Variants in ASIC3 observed in about 807,000 individuals in gnomAD.
ASIC3 encodes the protein acid-sensing ion channel 3.
In ASIC3, 46 loss-of-function variants were observed where a neutral mutation model predicts 58.6. The ratio of observed to expected loss-of-function variants is 0.79; its 90% CI spans 0.62 to 1.00. The LOEUF is 1.00. Ranked by LOEUF, ASIC3 falls within the 50% of genes least tolerant of loss-of-function variation. ASIC3 has a pLI of 0.00. For missense variants in ASIC3, 770 were observed against 735.0 expected, an observed-to-expected ratio of 1.05 and a Z score of -0.55; for synonymous variants, 336 against 300.2, an observed-to-expected ratio of 1.12 and a Z score of -1.23.
Position 151,049,236 on chromosome 7 carries a change from G to A in ASIC3, c.351G>A (p.Leu117=). The A allele has an allele frequency of 6.2e-7, 1 of 1,611,828 alleles. No individual in the cohort carries two copies. The change falls in exon 1 of 11, where the codon CTG becomes CTA. Residue 117 remains leucine (L), a synonymous_variant. Transcript: ENST00000349064. The part of the protein sequence containing the change: ...LHWAGSALLG[L]DPAEHAAFLR... ...GGGCTGGGTCTGCGCTGCTGGGCCT[G>A]GATCCCGCAGAGCACGCCGCCTTCC...
chr7:151,049,986 A>T, intron 1 of ASIC3, 120 bp from the exon 2 acceptor site: 1 of 1,343,800 alleles, frequency 7.4e-7, no homozygotes, highest in Non-Finnish European at 1.0e-6. Flanking sequence ...GGCTGGGGGC[A>T]TTGAGATGCG....
Position 151,049,009 on chromosome 7 carries a change from C to G in ASIC3, c.124C>G (p.Arg42Gly). 3.7e-6 allele frequency: 6 copies of G among 1,612,352 alleles called. No homozygotes were observed. Among genetic ancestry groups the G allele is most frequent in the Non-Finnish European group, 4.2e-6 (5 of 1,178,848 alleles). ...CGGGCCAGGCAGCCTGAGCCTGCGC[C>G]GGGGGATGTGGGCAGCGGCCGTGGT... ...VFGPGSLSLR[R>G]GMWAAAVVLS... Residue 42 changes from arginine to glycine, a missense_variant, in exon 1 of 11, where the codon CGG (arginine) becomes GGG (glycine). Coordinates refer to ENST00000349064, the MANE Select transcript of ASIC3 (RefSeq NM_004769.4).
In ASIC3 at chr7:151,050,973, G is replaced by C. The variant is rs1261421635; in HGVS notation, c.1009+20G>C. ...TGCCAGGTGAGGGGCTGGGGTTTTCGTCCCATGGCGGGCAGGGCCCAGGGA... is the reference window on the plus strand; with the variant it reads ...TGCCAGGTGAGGGGCTGGGGTTTTCCTCCCATGGCGGGCAGGGCCCAGGGA... On this transcript the variant is annotated intron_variant, in intron 4 of 10. Transcript: ENST00000349064. 7 of 1,613,240 alleles carry C rather than the reference G, an allele frequency of 4.3e-6. No individual in the cohort carries two copies. The Admixed American group carries it at 8.3e-5, about 19-fold the overall frequency.
In ASIC3 at chr7:151,050,773, C is replaced by A. The variant is rs1164930267; in HGVS notation, c.829C>A (p.Pro277Thr). Reference sequence around the variant, plus strand: ...CCCCCCACAGCTGAGCTTCCTGCCACCGCCCTGGGGCGATTGCAGTTCAGC... The same window carrying A: ...CCCCCCACAGCTGAGCTTCCTGCCAACGCCCTGGGGCGATTGCAGTTCAGC... ...CQQQQLSFLP[P>T]PWGDCSSASL... The change falls in exon 4 of 11, where the codon CCG (proline) becomes ACG (threonine). Residue 277 changes from proline (P) to threonine (T), a missense_variant. Coordinates refer to ENST00000349064, the MANE Select transcript of ASIC3 (RefSeq NM_004769.4). 6.2e-7 allele frequency: 1 copy of A among 1,613,474 alleles called. No homozygotes were observed. Among genetic ancestry groups the A allele is most frequent in the African/African-American group, 1.3e-5 (1 of 74,896 alleles).
At position 151,050,882 on chromosome 7, in the gene ASIC3, T is replaced by TG. The variant is rs760573829; in HGVS notation, c.942dup (p.Cys315ValfsTer102). The stretch of plus-strand genomic sequence containing the variant: ...AGCCCCAGCCCTCCCTATACCCTTA[T>TG]GGGGTGTCGCCTGGCCTGCGAAACC... On this transcript the variant is annotated frameshift_variant, in exon 4 of 11. Transcript: ENST00000349064. LOFTEE classifies it high-confidence loss of function. 6.2e-7 allele frequency: 1 copy of TG among 1,613,350 alleles called. No individual in the cohort carries two copies. Among genetic ancestry groups the TG allele is most frequent in the East Asian group, 2.2e-5 (1 of 44,862 alleles).
Position 151,048,728 on chromosome 7 carries a change from A to T in ASIC3, c.-158A>T. The T allele has an allele frequency of 3.5e-6, 3 of 853,806 alleles. No homozygotes were observed. The highest frequency in any genetic ancestry group is 5.5e-6 in the Non-Finnish European group (3 of 549,154). 52.9% of individuals were successfully genotyped at this position (853,806 alleles called of 1,614,324 possible). ...TCACCTCCTCCAATCCTGCCAGGCTAGTGCCTCCCTGCCTTCCAACCTTGG... is the reference window on the plus strand; with the variant it reads ...TCACCTCCTCCAATCCTGCCAGGCTTGTGCCTCCCTGCCTTCCAACCTTGG... On this transcript the variant is annotated 5_prime_UTR_variant, in exon 1 of 11. Transcript: ENST00000349064.
Position 151,050,522 on chromosome 7 carries a change from A to G in ASIC3, c.727A>G (p.Ser243Gly), listed in dbSNP as rs1287496121. 1.2e-6 allele frequency: 2 copies of G among 1,613,912 alleles called. No individual in the cohort carries two copies. The highest frequency in any genetic ancestry group is 1.7e-6 in the Non-Finnish European group (2 of 1,179,966). The change falls in exon 3 of 11, where the codon AGC becomes GGC. Residue 243 changes from serine (S) to glycine (G), a missense_variant. Coordinates refer to ENST00000349064, the MANE Select transcript of ASIC3 (RefSeq NM_004769.4). ...FEVGIRVQIHSQEEPPIIDQL... is the reference protein window; with the variant it reads ...FEVGIRVQIHGQEEPPIIDQL... ...GGTGGGGATCCGAGTGCAGATCCAC[A>G]GCCAGGAGGAGCCGCCCATCATCGA...
Position 151,048,674 on chromosome 7 carries a change from G to T in ASIC3, c.-212G>T. ...AGTGGAGCCACCGCCTGTTCCTCGG[G>T]AAGGAACAGTGGGACCTGACCGGCC... On this transcript the variant is annotated 5_prime_UTR_variant, in exon 1 of 11. Coordinates refer to ENST00000349064, the MANE Select transcript of ASIC3 (RefSeq NM_004769.4). The T allele has an allele frequency of 8.6e-6, 5 of 581,614 alleles. No individual in the cohort carries two copies. The highest frequency in any genetic ancestry group is 1.5e-5 in the Non-Finnish European group (5 of 337,136). The allele number at this position is 581,614 out of a possible 1,614,324, so 36.0% of individuals were successfully genotyped here.
In ASIC3 at chr7:151,050,566, G is replaced by T; in HGVS notation, c.771G>T (p.Val257=). Residue 257 remains valine, a synonymous_variant, in exon 3 of 11, where the codon GTG becomes GTT. Coordinates refer to ENST00000349064, the MANE Select transcript of ASIC3 (RefSeq NM_004769.4). The part of the protein sequence containing the change: ...PPIIDQLGLG[V]SPGYQTFVSC... ...TCATCGATCAGCTGGGCTTGGGGGT[G>T]TCCCCGGGCTACCAGACCTTTGTTT... 3.1e-6 allele frequency: 5 copies of T among 1,614,028 alleles called. No homozygotes were observed. The highest frequency in any genetic ancestry group is 4.2e-6 in the Non-Finnish European group (5 of 1,179,960).
intron 7 of ASIC3, 30 bp from the exon 8 acceptor site, chr7:151,051,953 G>C (rs773242481): frequency 2.5e-6 from 4 of 1,613,338 alleles, no homozygotes; most frequent in Non-Finnish European, 3.4e-6. Flanking sequence ...GCAGGTGGCT[G>C]TAAGTTGAAG....
At chr7:151,049,488 A>G in intron 1 of ASIC3, 69 bp downstream of exon 1, 1 of 1,503,010 alleles carries the variant, frequency 6.7e-7, no homozygotes, top group East Asian at 2.3e-5. Flanking sequence ...CAGCACCCAC[A>G]ATTCCCTAGC....
In ASIC3 at chr7:151,050,546, G is replaced by C. The variant is rs377738600; in HGVS notation, c.751G>C (p.Asp251His). 9.3e-6 allele frequency: 15 copies of C among 1,613,888 alleles called. No homozygotes were observed. The highest frequency in any genetic ancestry group is 1.2e-5 in the Non-Finnish European group (14 of 1,179,960). The change falls in exon 3 of 11, where the codon GAT becomes CAT. Residue 251 changes from aspartate (D) to histidine (H), a missense_variant. Transcript: ENST00000349064. ...CAGCCAGGAGGAGCCGCCCATCATC[G>C]ATCAGCTGGGCTTGGGGGTGTCCCC... ...IHSQEEPPII[D>H]QLGLGVSPGY...
intron 3 of ASIC3, 49 bp from the exon 4 acceptor site, chr7:151,050,709 T>C (rs1205301927): frequency 6.2e-7 from 1 of 1,606,528 alleles, no homozygotes; most frequent in Non-Finnish European, 8.5e-7. Flanking sequence ...TCTCCCCAGC[T>C]GGCCTCTCAC....
intron 3 of ASIC3, 53 bp downstream of exon 3, chr7:151,050,661 AC>A (rs1240192523): frequency 6.2e-7 from 1 of 1,609,690 alleles, no homozygotes; most frequent in Non-Finnish European, 8.5e-7. Context: ...ACCACCTCAG[AC>A]CCTAAACCCT....
At position 151,051,820 on chromosome 7, in the gene ASIC3, C is replaced by T; in HGVS notation, c.1225C>T (p.Leu409=). 1 of 1,613,538 alleles carries T rather than the reference C, an allele frequency of 6.2e-7. No homozygotes were observed. The highest frequency in any genetic ancestry group is 8.5e-7 in the Non-Finnish European group (1 of 1,179,970). Residue 409 remains leucine, a synonymous_variant, in exon 7 of 11, where the codon CTG becomes TTG. Transcript: ENST00000349064. ...CATTCTTGTCCTCAGGGAGAACGTG[C>T]TGGCCCTGGACATCTTCTTTGAGGC... is the stretch of plus-strand genomic sequence containing the variant. The part of the protein sequence containing the change: ...RSEAYIAENV[L]ALDIFFEALN...
In ASIC3 at chr7:151,052,564, T is replaced by C. The variant is rs1796809804; in HGVS notation, c.1518-10T>C. On this transcript the variant is annotated splice_polypyrimidine_tract_variant and intron_variant, in intron 10 of 10. Transcript: ENST00000349064. The surrounding 1 kb of genome is among the most constrained non-coding windows in gnomAD (Gnocchi z 5.0). ...CCGTTCCCACCCCAGCACTCTGCTC[T>C]GTTCCGAAGACCTCCCACCCCTCCC... 6.2e-7 allele frequency: 1 copy of C among 1,613,762 alleles called. No homozygotes were observed. Among genetic ancestry groups the C allele is most frequent in the Non-Finnish European group, 8.5e-7 (1 of 1,179,916 alleles).
rs759431686 is a variant in ASIC3, at chr7:151,052,718, T to A, written c.*66T>A. Reference sequence around the variant, plus strand: ...GGACATGCCTAGCCTGCACGTAGCTTTTCCGTCTTCACCCCAAATAAAGTC... The same window carrying A: ...GGACATGCCTAGCCTGCACGTAGCTATTCCGTCTTCACCCCAAATAAAGTC... On this transcript the variant is annotated 3_prime_UTR_variant, in exon 11 of 11. Transcript: ENST00000349064. The surrounding 1 kb of genome is among the most constrained non-coding windows in gnomAD (Gnocchi z 5.0). The A allele has an allele frequency of 1.9e-6, 3 of 1,614,074 alleles. No individual in the cohort carries two copies. The East Asian group carries it at 6.7e-5, about 36-fold the overall frequency.
rs761796285 is a variant in ASIC3, at chr7:151,051,164, G to T, written c.1067-8G>T. The stretch of plus-strand genomic sequence containing the variant: ...CGCGGGCGTCTGACGCGGCCCGGTG[G>T]CCCGCAGATGCCATGCTTCGCAAGG... On this transcript the variant is annotated splice_polypyrimidine_tract_variant and splice_region_variant and intron_variant, in intron 5 of 10. Coordinates refer to ENST00000349064, the MANE Select transcript of ASIC3 (RefSeq NM_004769.4). The T allele has an allele frequency of 6.3e-7, 1 of 1,594,026 alleles. No homozygotes were observed. Among genetic ancestry groups the T allele is most frequent in the East Asian group, 2.3e-5 (1 of 44,202 alleles).
Position 151,048,902 on chromosome 7 carries a change from G to T in ASIC3, c.17G>T (p.Gly6Val), listed in dbSNP as rs1332951236. Residue 6 changes from glycine to valine, a missense_variant, in exon 1 of 11, where the codon GGC becomes GTC. Physicochemically the swap from Gly to Val is moderately radical, Grantham distance 109. Transcript: ENST00000349064. The stretch of plus-strand genomic sequence containing the variant: ...GTTCTGGCCATGAAGCCCACCTCAG[G>T]CCCAGAGGAGGCCCGGCGGCCAGCC... MKPTS[G>V]PEEARRPASD... 2 of 1,557,534 alleles carry T rather than the reference G, an allele frequency of 1.3e-6. No individual in the cohort carries two copies. The highest frequency in any genetic ancestry group is 1.7e-6 in the Non-Finnish European group (2 of 1,148,264).
Sources: allele counts gnomAD v4.1 joint callset, GRCh38; gene constraint gnomAD v4.1.1; non-coding constraint Gnocchi (gnomAD v3.1); transcripts MANE v1.5; gene names NCBI Gene and HGNC (gene_info 2026-07-23, HGNC 2026-07-21).